Variants in HTRA1 observed in about 807,000 individuals in gnomAD.
HTRA1 encodes the protein HtrA serine peptidase 1.
In HTRA1, 26 loss-of-function variants were observed where a neutral mutation model predicts 49.7. The ratio of observed to expected loss-of-function variants is 0.52; its 90% CI spans 0.38 to 0.73. The LOEUF is 0.73. Ranked by LOEUF, HTRA1 falls within the 30% of genes least tolerant of loss-of-function variation. The pLI, the probability that HTRA1 is intolerant of heterozygous loss-of-function variation, is 0.00. For missense variants in HTRA1, 561 were observed against 667.2 expected (o/e 0.84, Z 1.75); for synonymous variants, 291 against 286.9 (o/e 1.01, Z -0.14).
chr10:122,476,417 T>C (rs977680420), intron 1 of HTRA1, among the ~76,000 whole-genome samples: 1 of 152,160 alleles, frequency 6.6e-6, no homozygotes, highest in Admixed American at 6.5e-5. Flanking sequence ...TCCATCTGGG[T>C]CCTGTCTGGA....
chr10:122,508,854 G>A, intron 6 of HTRA1, 84 bp downstream of exon 6: 1 of 846,432 alleles, frequency 1.2e-6, no homozygotes, highest in South Asian at 1.3e-5. Context: ...GAAGGGAAAA[G>A]CGGCAGCCCC....
At chr10:122,483,878 T>G (rs997763993) in intron 1 of HTRA1, among the ~76,000 whole-genome samples, 4 of 152,252 alleles carry the variant, frequency 2.6e-5, no homozygotes, top group Admixed American at 6.5e-5. Context: ...CAATTGTTGC[T>G]AATACATAGA....
intron 3 of HTRA1, 141 bp downstream of exon 3, chr10:122,489,767 A>G: frequency 1.2e-6 from 1 of 802,336 alleles, no homozygotes; most frequent in African/African-American, 1.7e-5. Flanking sequence ...GGCCTTGAGG[A>G]GATGCTGAGT....
At chr10:122,479,974 G>A (rs138914783) in intron 1 of HTRA1, among the ~76,000 whole-genome samples, 92 of 152,254 alleles carry the variant, frequency 6.0e-4, no homozygotes, top group African/African-American at 1.8e-3. Context: ...GAGGGACGTG[G>A]GGACCCAGCT....
chr10:122,487,588 A>G lies in HTRA1; in HGVS notation c.473-1314A>G, dbSNP rs1359458456. Among the ~76,000 whole-genome samples the G allele has an allele frequency of 6.6e-6, 1 of 152,164 alleles. No individual in the cohort carries two copies. Among genetic ancestry groups the G allele is most frequent in the African/African-American group, 2.4e-5 (1 of 41,442 alleles). The stretch of plus-strand genomic sequence containing the variant: ...AAACGCCCACCACGTGGGGCCACTC[A>G]CTGTAATATAAACGGTCATGCATCA... On this transcript the variant is annotated intron_variant, in intron 1 of 8. Coordinates refer to ENST00000368984, the MANE Select transcript of HTRA1 (RefSeq NM_002775.5). This position sits in a 1 kb window ranked among gnomAD's most constrained non-coding sequence, Gnocchi z 4.8.
chr10:122,477,188 C>A (rs544794846), intron 1 of HTRA1, among the ~76,000 whole-genome samples: 1 of 151,970 alleles, frequency 6.6e-6, no homozygotes, highest in African/African-American at 2.4e-5. Flanking sequence ...AGGACGGTCT[C>A]GATCTCCTGA....
intron 1 of HTRA1, among the ~76,000 whole-genome samples, chr10:122,473,944 A>G (rs1443382502): frequency 6.6e-6 from 1 of 152,210 alleles, no homozygotes; most frequent in Non-Finnish European, 1.5e-5. Flanking sequence ...TTTAAGGGAT[A>G]CAGGGAGACC....
chr10:122,505,891 A>C (rs2097502838), intron 3 of HTRA1, among the ~76,000 whole-genome samples: 1 of 152,182 alleles, frequency 6.6e-6, no homozygotes, highest in African/African-American at 2.4e-5. Flanking sequence ...GGTTCCCCCC[A>C]GCTCCTTGGC....
intron 1 of HTRA1, among the ~76,000 whole-genome samples, chr10:122,473,768 C>A (rs1277191562): frequency 1.3e-5 from 2 of 152,172 alleles, no homozygotes; most frequent in African/African-American, 4.8e-5. Context: ...TAGGAAACCA[C>A]CGGTTCATTT....
rs1170761210 is a variant in HTRA1, at chr10:122,506,444, C to T, written c.778-247C>T. ...GCCTCCAGTTACCTCCCCACGGTTT[C>T]CTTGGTGTGTGTGTGGCTTCAGTGT... On this transcript the variant is annotated intron_variant, in intron 3 of 8. Transcript: ENST00000368984. This position sits in a 1 kb window ranked among gnomAD's most constrained non-coding sequence, Gnocchi z 5.2. Among the ~76,000 whole-genome samples the T allele has an allele frequency of 1.3e-5, 2 of 152,112 alleles. No homozygotes were observed. The highest frequency in any genetic ancestry group is 4.8e-5 in the African/African-American group (2 of 41,424).
intron 1 of HTRA1, among the ~76,000 whole-genome samples, chr10:122,474,676 A>T (rs2097487649): frequency 6.6e-6 from 1 of 152,178 alleles, no homozygotes; most frequent in Admixed American, 6.5e-5. Flanking sequence ...GAGCAAAGTT[A>T]ATGGTTTTTG....
In HTRA1 at chr10:122,494,590, A is replaced by G. The variant is rs2097497688; in HGVS notation, c.777+4964A>G. Among the ~76,000 whole-genome samples, 1 of 152,090 alleles carries G rather than the reference A, an allele frequency of 6.6e-6. No individual in the cohort carries two copies. The highest frequency in any genetic ancestry group is 1.5e-5 in the Non-Finnish European group (1 of 68,014). Reference sequence around the variant, plus strand: ...GCCAACAACCAGGTAAATATTTGGAAACGGCCTTGTTGAGGCTTGTGAGGT... The same window carrying G: ...GCCAACAACCAGGTAAATATTTGGAGACGGCCTTGTTGAGGCTTGTGAGGT... On this transcript the variant is annotated intron_variant, in intron 3 of 8. Transcript: ENST00000368984. This position sits in a 1 kb window ranked among gnomAD's most constrained non-coding sequence, Gnocchi z 4.0.
Position 122,499,780 on chromosome 10 carries a change from G to T in HTRA1, c.778-6911G>T, listed in dbSNP as rs928293292. 2.0e-5 allele frequency among the ~76,000 whole-genome samples: 3 copies of T among 152,204 alleles called. No individual in the cohort carries two copies. The East Asian group carries it at 5.8e-4, about 29-fold the overall frequency. On this transcript the variant is annotated intron_variant, in intron 3 of 8. Coordinates refer to ENST00000368984, the MANE Select transcript of HTRA1 (RefSeq NM_002775.5). Reference sequence around the variant, plus strand: ...TGCATATTTTTTAAAGAAAATGAAAGGTTAGCATAACTGTTTCCAGAAGGC... The same window carrying T: ...TGCATATTTTTTAAAGAAAATGAAATGTTAGCATAACTGTTTCCAGAAGGC...
In HTRA1 at chr10:122,501,593, T is replaced by C. The variant is rs183729996; in HGVS notation, c.778-5098T>C. Among the ~76,000 whole-genome samples, 254 of 152,248 alleles carry C rather than the reference T, an allele frequency of 1.7e-3. 1 individual carries two copies. Among genetic ancestry groups the C allele is most frequent in the Middle Eastern group, 6.8e-3 (2 of 294 alleles). ...TAGTTCCAACCCTGACCCCACCGCA[T>C]TCCTGACTCAGGCAAATTCGCAGGG... On this transcript the variant is annotated intron_variant, in intron 3 of 8. Transcript: ENST00000368984.
chr10:122,477,965 C>T (rs990777171), intron 1 of HTRA1, among the ~76,000 whole-genome samples: 11 of 152,152 alleles, frequency 7.2e-5, no homozygotes, highest in African/African-American at 2.4e-4. Context: ...GATAAGCTGC[C>T]GCTGACAGAC....
rs77348595 is a variant in HTRA1 at position 122,474,125 on chromosome 10, C to A, written c.472+12001C>A. Among the ~76,000 whole-genome samples the A allele has an allele frequency of 3.3e-5, 5 of 152,242 alleles. No individual in the cohort carries two copies. In the East Asian group the frequency reaches 9.7e-4, roughly 29 times the overall value. The stretch of plus-strand genomic sequence containing the variant: ...GAATATTCTATATGGATGGGGATTA[C>A]GCACTGAAAGGAAAACATGAGGAAA... On this transcript the variant is annotated intron_variant, in intron 1 of 8. Transcript: ENST00000368984.
chr10:122,493,429 G>A (rs1196942385), intron 3 of HTRA1, among the ~76,000 whole-genome samples: 1 of 152,186 alleles, frequency 6.6e-6, no homozygotes, highest in Non-Finnish European at 1.5e-5. Context: ...TTCCAAATGC[G>A]TTTAACATGA....
intron 3 of HTRA1, among the ~76,000 whole-genome samples, chr10:122,500,082 TC>T: frequency 6.6e-6 from 1 of 152,324 alleles, no homozygotes. Context: ...TTTTCTTTTC[TC>T]CAAGCTTCAG....
At chr10:122,482,203 G>A (rs2097491316) in intron 1 of HTRA1, among the ~76,000 whole-genome samples, 2 of 152,226 alleles carry the variant, frequency 1.3e-5, no homozygotes, top group East Asian at 1.9e-4. Flanking sequence ...AATGGGATAT[G>A]TGCACCTGTT....
Sources: allele counts gnomAD v4.1 joint callset (sites outside exome capture counted in the v4.1 genomes callset), GRCh38; gene constraint gnomAD v4.1.1; non-coding constraint Gnocchi (gnomAD v3.1); transcripts MANE v1.5; gene names NCBI Gene and HGNC (gene_info 2026-07-23, HGNC 2026-07-21).